DMRTB1: variants seen among roughly 807,000 people sequenced by gnomAD.
DMRTB1 encodes DMRT like family B with proline rich C-terminal 1, also known as doublesex- and mab-3-related transcription factor B1.
Under a neutral mutation model 25.2 loss-of-function variants are expected in DMRTB1, and 9 were observed. The ratio of observed to expected loss-of-function variants is 0.36; its 90% CI spans 0.22 to 0.62. The LOEUF is 0.62. DMRTB1 is among the 20% of genes least tolerant of loss of function. DMRTB1 has a pLI of 0.71. For missense variants in DMRTB1, 551 were observed against 499.3 expected (o/e 1.10, Z -0.99); for synonymous variants, 269 against 238.1 (o/e 1.13, Z -1.20).
At chr1:53,461,197 TCA>T (rs1177194787) in intron 1 of DMRTB1, among the ~76,000 whole-genome samples, 1 of 152,140 alleles carries the variant, frequency 6.6e-6, no homozygotes, top group Non-Finnish European at 1.5e-5. Context: ...CACTGAGGCC[TCA>T]GAGAGGCAGA....
intron 1 of DMRTB1, 132 bp from the exon 2 acceptor site, chr1:53,461,341 C>A: frequency 1.1e-6 from 1 of 921,946 alleles, no homozygotes; most frequent in Non-Finnish European, 1.6e-6. Flanking sequence ...CAGTGAGGGC[C>A]CAGCGGAAGG....
chr1:53,466,499 TAAAATAAA>T, intron 3 of DMRTB1, 88 bp from the exon 4 acceptor site: 2 of 1,285,628 alleles, frequency 1.6e-6, no homozygotes, highest in Middle Eastern at 1.9e-4. Flanking sequence ...TCAAAAAAAT[TAAAATAAA>T]ATAAGAAAAA....
rs1249268472 is a variant in DMRTB1, at chr1:53,459,837, C to A, written c.384C>A (p.Asn128Lys). The A allele has an allele frequency of 4.1e-6, 6 of 1,477,250 alleles. No individual in the cohort carries two copies. Among genetic ancestry groups the A allele is most frequent in the African/African-American group, 1.5e-5 (1 of 67,512 alleles). The allele number at this position is 1,477,250 out of a possible 1,614,324, so 91.5% of individuals were successfully genotyped here. A position where few individuals can be genotyped will look rare whatever the true frequency, so the allele number is the denominator to read the frequency against. ...TCGAGCAGCCCCCGCGGGGCCGGAA[C>A]CCCGGCCCGAGAGCCCTCCAGCCGG... is the stretch of plus-strand genomic sequence containing the variant. ...CFFEQPPRGRNPGPRALQPVL... is the reference protein window; with the variant it reads ...CFFEQPPRGRKPGPRALQPVL... The change falls in exon 1 of 4, where the codon AAC (asparagine) becomes AAA (lysine). Residue 128 changes from asparagine to lysine, a missense_variant. Transcript: ENST00000371445.
intron 2 of DMRTB1, among the ~76,000 whole-genome samples, chr1:53,464,390 G>A (rs1644038986): frequency 6.6e-6 from 1 of 152,192 alleles, no homozygotes; most frequent in African/African-American, 2.4e-5. Flanking sequence ...ATATACAGAA[G>A]GGCTCTGTCA....
At chr1:53,464,566 G>A (rs547919415) in intron 2 of DMRTB1, 71 bp from the exon 3 acceptor site, 8 of 1,610,008 alleles carry the variant, frequency 5.0e-6, no homozygotes, top group African/African-American at 2.7e-5. Context: ...TCAGGGGTGA[G>A]AGCTATGTTT....
At chr1:53,463,030 C>G (rs961907140) in intron 2 of DMRTB1, among the ~76,000 whole-genome samples, 1 of 152,224 alleles carries the variant, frequency 6.6e-6, no homozygotes, top group African/African-American at 2.4e-5. Context: ...AGTGTGATCT[C>G]AGTCGGTTTA....
In DMRTB1 at chr1:53,466,657, G is replaced by A. The variant is rs201751493; in HGVS notation, c.1024G>A (p.Asp342Asn). Residue 342 changes from aspartate (D) to asparagine (N), a missense_variant, in exon 4 of 4, where the codon GAC becomes AAC. Physicochemically the swap from Asp to Asn is conservative, Grantham distance 23 (BLOSUM62 1). Transcript: ENST00000371445. ...CCAGCCATCGTCTCAGGAGCAGTCC[G>A]ACTAGGCCCCAGGCCCGCCCTCCTG... ...PSQPSSQEQS[D>N] 9 of 1,614,204 alleles carry A rather than the reference G, an allele frequency of 5.6e-6. No homozygotes were observed. Among genetic ancestry groups the A allele is most frequent in the African/African-American group, 2.7e-5 (2 of 75,070 alleles).
chr1:53,460,812 C>T (rs1016610063), intron 1 of DMRTB1, among the ~76,000 whole-genome samples: 5 of 152,182 alleles, frequency 3.3e-5, no homozygotes, highest in African/African-American at 1.2e-4. Flanking sequence ...GGCGGGGGCC[C>T]GGGTCACGCT....
intron 1 of DMRTB1, chr1:53,460,241 AG>A: frequency 1.5e-6 from 1 of 649,638 alleles, no homozygotes; most frequent in Non-Finnish European, 2.4e-6. Context: ...TGGGCGGTTC[AG>A]AGGGCTTTTA....
chr1:53,460,839 T>G (rs977487360), intron 1 of DMRTB1, among the ~76,000 whole-genome samples: 17 of 152,324 alleles, frequency 1.1e-4, no homozygotes, highest in African/African-American at 4.1e-4. Flanking sequence ...GCTCCTGCCC[T>G]CTGTGTGCCA....
chr1:53,467,269 C>T lies in DMRTB1; in HGVS notation c.*607C>T, dbSNP rs1644055569. The stretch of plus-strand genomic sequence containing the variant: ...TCCTGGCTGCTGGGGCTACTTCATT[C>T]CCCCTCCATAAAGTTTCAGCCATTA... On this transcript the variant is annotated 3_prime_UTR_variant, in exon 4 of 4. Transcript: ENST00000371445. 1 of 152,798 alleles carries T rather than the reference C, an allele frequency of 6.5e-6. No homozygotes were observed. The highest frequency in any genetic ancestry group is 1.5e-5 in the Non-Finnish European group (1 of 68,162). The allele number at this position is 152,798 out of a possible 1,614,324, so 9.5% of individuals were successfully genotyped here.
intron 2 of DMRTB1, 91 bp from the exon 3 acceptor site, chr1:53,464,546 G>A (rs1644039632): frequency 1.3e-6 from 2 of 1,599,400 alleles, no homozygotes; most frequent in Non-Finnish European, 1.7e-6. Flanking sequence ...CCCATCAGGA[G>A]CCCCCCACTT....
chr1:53,462,134 C>T (rs1425655033), intron 2 of DMRTB1, among the ~76,000 whole-genome samples: 4 of 152,212 alleles, frequency 2.6e-5, no homozygotes, highest in Non-Finnish European at 5.9e-5. Context: ...CCCCCAAACA[C>T]TTGACACCTT....
At chr1:53,462,244 G>A (rs1377816421) in intron 2 of DMRTB1, among the ~76,000 whole-genome samples, 1 of 152,230 alleles carries the variant, frequency 6.6e-6, no homozygotes, top group East Asian at 1.9e-4. Flanking sequence ...TTTTGAGAGC[G>A]AGTGTGTAAA....
Position 53,459,720 on chromosome 1 carries a change from CGTCCCG to C in DMRTB1, c.269_274del (p.Val90_Pro91del), listed in dbSNP as rs1557921296. 1 of 1,385,312 alleles carries C rather than the reference CGTCCCG, an allele frequency of 7.2e-7. No individual in the cohort carries two copies. Among genetic ancestry groups the C allele is most frequent in the Non-Finnish European group, 9.3e-7 (1 of 1,073,540 alleles). 85.8% of individuals were successfully genotyped at this position (1,385,312 alleles called of 1,614,324 possible). ...CGGCCGCCGCCCCCGCCCCCGTCCC[CGTCCCG>C]GCCGCGAGCCTCCGCCCGCTGTCCC... On this transcript the variant is annotated inframe_deletion, in exon 1 of 4. Transcript: ENST00000371445.
intron 3 of DMRTB1, 135 bp downstream of exon 3, chr1:53,464,982 G>C: frequency 8.1e-7 from 1 of 1,238,846 alleles, no homozygotes; most frequent in Non-Finnish European, 1.2e-6. Context: ...CCTAGAATGA[G>C]CTCCTTCTTA....
At chr1:53,460,144 G>A (rs1395649757) in intron 1 of DMRTB1, 114 bp downstream of exon 1, 8 of 1,334,432 alleles carry the variant, frequency 6.0e-6, no homozygotes, top group African/African-American at 4.7e-5. Context: ...CACGGGTAAC[G>A]GACCTTCCGC....
chr1:53,461,590 C>T lies in DMRTB1; in HGVS notation c.695C>T (p.Pro232Leu), dbSNP rs146520630. Residue 232 changes from proline (P) to leucine (L), a missense_variant, in exon 2 of 4, where the codon CCC becomes CTC. By Grantham distance (98) the Pro-to-Leu change is moderately conservative. Coordinates refer to ENST00000371445, the MANE Select transcript of DMRTB1 (RefSeq NM_033067.3). ...TACCTGGACGCCCCTCCTGGCGTCC[C>T]CCTGCAGCAGGGCTTCCGGCATGTG... is the stretch of plus-strand genomic sequence containing the variant. The part of the protein sequence containing the change: ...LGYLDAPPGV[P>L]LQQGFRHVSR... 6.2e-7 allele frequency: 1 copy of T among 1,610,648 alleles called. No individual in the cohort carries two copies. Among genetic ancestry groups the T allele is most frequent in the Non-Finnish European group, 8.5e-7 (1 of 1,178,740 alleles).
chr1:53,466,473 A>G, intron 3 of DMRTB1, 122 bp from the exon 4 acceptor site: 1 of 962,822 alleles, frequency 1.0e-6, no homozygotes. Context: ...CCTGGGTGAC[A>G]GAGCGAGACT....
Sources: allele counts gnomAD v4.1 joint callset (sites outside exome capture counted in the v4.1 genomes callset), GRCh38; gene constraint gnomAD v4.1.1; transcripts MANE v1.5; gene names NCBI Gene and HGNC (gene_info 2026-07-23, HGNC 2026-07-21).